ADARB2: variants seen among roughly 807,000 people sequenced by gnomAD.
ADARB2 encodes the protein adenosine deaminase RNA specific B2 (inactive).
Under a neutral mutation model 62.2 loss-of-function variants are expected in ADARB2, and 25 were observed. The ratio of observed to expected loss-of-function variants is 0.40; its 90% CI spans 0.29 to 0.56. ADARB2 has a LOEUF of 0.56. Among genes scored for constraint, ADARB2 ranks in the 20% least tolerant of loss-of-function variants. ADARB2 has a pLI of 0.43. For synonymous variants in ADARB2, 572 were observed against 500.8 expected, an observed-to-expected ratio of 1.14 and a Z score of -1.90; for missense variants, 1,071 against 1,077.4, an observed-to-expected ratio of 0.99 and a Z score of 0.08.
intron 1 of ADARB2, among the ~76,000 whole-genome samples, chr10:1,624,067 T>C (rs1833738340): frequency 6.6e-6 from 1 of 151,888 alleles, no homozygotes; most frequent in Non-Finnish European, 1.5e-5. Flanking sequence ...ACCCCATCTC[T>C]ACTAAAAACA....
intron 1 of ADARB2, among the ~76,000 whole-genome samples, chr10:1,485,173 T>C (rs1438128147): frequency 1.3e-5 from 2 of 152,032 alleles, no homozygotes; most frequent in Admixed American, 1.3e-4. Context: ...TAGCTATGCA[T>C]GTAGATACCT....
intron 3 of ADARB2, among the ~76,000 whole-genome samples, chr10:1,279,498 T>C (rs531564387): frequency 2.6e-5 from 4 of 152,288 alleles, no homozygotes; most frequent in Admixed American, 6.5e-5. Flanking sequence ...CAGTATTTTG[T>C]AGAGGCAGGG....
intron 3 of ADARB2, among the ~76,000 whole-genome samples, chr10:1,286,002 G>A (rs888998159): frequency 4.6e-5 from 7 of 151,552 alleles, no homozygotes; most frequent in Non-Finnish European, 8.8e-5. Context: ...GGGGCAATGC[G>A]GAATCCAGGA....
chr10:1,632,302 G>A (rs987284305), intron 1 of ADARB2, among the ~76,000 whole-genome samples: 12 of 151,660 alleles, frequency 7.9e-5, no homozygotes, highest in South Asian at 4.2e-4. Context: ...ACACACATGC[G>A]CACACACACA....
rs1043157048 is a variant in ADARB2, at chr10:1,182,321, T to C, written c.*872A>G. 6.5e-6 allele frequency: 1 copy of C among 152,732 alleles called. No individual in the cohort carries two copies. Among genetic ancestry groups the C allele is most frequent in the Non-Finnish European group, 1.5e-5 (1 of 68,426 alleles). 9.5% of individuals were successfully genotyped at this position (152,732 alleles called of 1,614,324 possible). A position where few individuals can be genotyped will look rare whatever the true frequency, so the allele number is the denominator to read the frequency against. On this transcript the variant is annotated 3_prime_UTR_variant, in exon 10 of 10. Transcript: ENST00000381312. ...ATCGGCCACCATAAACCAAACGCCA[T>C]GACGGACTGAACAGGCATGGGCCAG...
chr10:1,253,584 A>C (rs1589166110), intron 4 of ADARB2, among the ~76,000 whole-genome samples: 1 of 152,304 alleles, frequency 6.6e-6, no homozygotes, highest in South Asian at 2.1e-4. Context: ...AGGATAAAAA[A>C]CTGTGCAGTC....
At chr10:1,313,427 G>A (rs1831709718) in intron 3 of ADARB2, among the ~76,000 whole-genome samples, 1 of 152,208 alleles carries the variant, frequency 6.6e-6, no homozygotes, top group East Asian at 1.9e-4. Flanking sequence ...CAGGCACTGG[G>A]AACTAAGTGG....
At chr10:1,512,042 G>A (rs1207313559) in intron 1 of ADARB2, among the ~76,000 whole-genome samples, 1 of 143,424 alleles carries the variant, frequency 7.0e-6, no homozygotes, top group South Asian at 2.3e-4. Flanking sequence ...TACACTGGAT[G>A]TCAAGACATG....
Position 1,271,016 on chromosome 10 carries a change from C to T in ADARB2, c.1131G>A (p.Thr377=), listed in dbSNP as rs370088825. Residue 377 remains threonine, a synonymous_variant, in exon 4 of 10, where the codon ACG becomes ACA. Transcript: ENST00000381312. ...QLVTQKFREV[T]TDLTPMHARH... is the part of the protein sequence containing the mutation. ...GGGCGTGCATGGGCGTGAGGTCCGT[C>T]GTCACCTCGCGGAACTTCTGTGTGA... 2.0e-5 allele frequency: 32 copies of T among 1,613,714 alleles called. No homozygotes were observed. The highest frequency in any genetic ancestry group is 4.0e-5 in the African/African-American group (3 of 74,912).
rs573554204 is a variant in ADARB2 at position 1,488,221 on chromosome 10, C to CA, written c.101-109062dup. ...GATACAGACATTATCTCAGATTTGG[C>CA]AAAGAAAAAAAAAAAGGATGTACAA... On this transcript the variant is annotated intron_variant, in intron 1 of 9. Coordinates refer to ENST00000381312, the MANE Select transcript of ADARB2 (RefSeq NM_018702.4). Among the ~76,000 whole-genome samples the CA allele has an allele frequency of 3.8e-5, 5 of 130,334 alleles. 1 individual carries two copies. The highest frequency in any genetic ancestry group is 1.5e-4 in the Admixed American group (2 of 13,180). The allele number at this position is 130,334 out of a possible 152,430, so 85.5% of individuals were successfully genotyped here.
intron 1 of ADARB2, among the ~76,000 whole-genome samples, chr10:1,566,643 T>C (rs1832864973): frequency 6.6e-6 from 1 of 152,234 alleles, no homozygotes; most frequent in Non-Finnish European, 1.5e-5. Context: ...GCAACTCAAA[T>C]CATTAGTTAA....
Position 1,391,665 on chromosome 10 carries a change from G to C in ADARB2, c.101-12505C>G, listed in dbSNP as rs532903110. On this transcript the variant is annotated intron_variant, in intron 1 of 9. Transcript: ENST00000381312. ...AACATCTTTTGGTGCGTGATGTTAT[G>C]TCAGTTATCTGGAAACTTATTCATG... is the stretch of plus-strand genomic sequence containing the variant. Among the ~76,000 whole-genome samples, 234 of 151,640 alleles carry C rather than the reference G, an allele frequency of 1.5e-3. 2 individuals carry two copies. Among genetic ancestry groups the C allele is most frequent in the Non-Finnish European group, 2.7e-3 (185 of 67,964 alleles).
intron 3 of ADARB2, among the ~76,000 whole-genome samples, chr10:1,307,648 T>C (rs1378622041): frequency 4.1e-5 from 5 of 121,160 alleles, no homozygotes; most frequent in Admixed American, 1.7e-4. Context: ...TATTGTGGCA[T>C]TATTCACAAT....
chr10:1,646,759 G>A (rs1306705737), intron 1 of ADARB2, among the ~76,000 whole-genome samples: 1 of 152,198 alleles, frequency 6.6e-6, no homozygotes, highest in African/African-American at 2.4e-5. Context: ...ATGTGGGAGG[G>A]GGTGTGTGAT....
intron 1 of ADARB2, among the ~76,000 whole-genome samples, chr10:1,593,042 C>T (rs1833282121): frequency 1.1e-5 from 1 of 91,922 alleles, no homozygotes; most frequent in African/African-American, 4.9e-5. Context: ...CATAGGTCTC[C>T]TCTCTGGCAT....
chr10:1,627,663 TG>T (rs1833787555), intron 1 of ADARB2, among the ~76,000 whole-genome samples: 3 of 152,236 alleles, frequency 2.0e-5, no homozygotes, highest in Non-Finnish European at 4.4e-5. Flanking sequence ...GCAGAAGCAC[TG>T]GCTGTTTTAC....
chr10:1,505,789 G>A (rs919736838), intron 1 of ADARB2, among the ~76,000 whole-genome samples: 11 of 151,736 alleles, frequency 7.2e-5, no homozygotes, highest in South Asian at 4.2e-4. Flanking sequence ...TGCCACTCCC[G>A]TCCCCACCGT....
chr10:1,346,033 C>G (rs1438478267), intron 3 of ADARB2, among the ~76,000 whole-genome samples: 1 of 152,026 alleles, frequency 6.6e-6, no homozygotes, highest in African/African-American at 2.4e-5. Flanking sequence ...TCATCATGAT[C>G]AGAAGGAAAA....
At chr10:1,570,996 G>A (rs549739110) in intron 1 of ADARB2, among the ~76,000 whole-genome samples, 1 of 152,146 alleles carries the variant, frequency 6.6e-6, no homozygotes, top group African/African-American at 2.4e-5. Flanking sequence ...CTGCCTCCCA[G>A]ACAAAACCTG....
Sources: gnomAD v4.1 joint callset for allele counts (sites outside exome capture counted in the v4.1 genomes callset) on GRCh38, gnomAD v4.1.1 for gene constraint, MANE v1.5 for transcripts, NCBI Gene and HGNC (gene_info 2026-07-23, HGNC 2026-07-21) for gene names.